The following DOCK11 variants were observed in gnomAD, a reference collection of about 807,000 sequenced individuals.
The protein encoded by DOCK11 is dedicator of cytokinesis 11.
DOCK11 carries 70 observed loss-of-function variants against 169.1 expected under a neutral mutation model. That is an observed-to-expected ratio of 0.41 (90% confidence interval 0.34 to 0.51). DOCK11 has a LOEUF of 0.51. DOCK11 is among the 20% of genes least tolerant of loss of function. The probability of loss-of-function intolerance (pLI) is 0.10; values close to 1 mark genes in which losing one functional copy is unlikely to be tolerated. For missense variants in DOCK11, 1,166 were observed against 1,538.8 expected, an observed-to-expected ratio of 0.76 and a Z score of 4.05; for synonymous variants, 529 against 541.3, an observed-to-expected ratio of 0.98 and a Z score of 0.32.
Position 118,652,028 on chromosome X carries a change from A to C in DOCK11, c.4646A>C (p.Glu1549Ala). ...CTAAGCGGAGGATCAAGATTTCAGGAGTCTTTATTCATTATCAATAATTTT... is the reference window on the plus strand; with the variant it reads ...CTAAGCGGAGGATCAAGATTTCAGGCGTCTTTATTCATTATCAATAATTTT... Reference protein sequence around the residue: ...VALSGGSRFQESLFIINNFAN... With the variant: ...VALSGGSRFQASLFIINNFAN... The change falls in exon 42 of 53, where the codon GAG becomes GCG. Residue 1549 changes from glutamate to alanine, a missense_variant. By Grantham distance (107) the Glu-to-Ala change is moderately radical. Coordinates refer to ENST00000276202, the MANE Select transcript of DOCK11 (RefSeq NM_144658.4). 1.7e-6 allele frequency: 2 copies of C among 1,206,458 alleles called. No homozygotes were observed. Among genetic ancestry groups the C allele is most frequent in the South Asian group, 1.8e-5 (1 of 56,054 alleles).
At chrX:118,533,137 G>T (rs1416861802) in intron 1 of DOCK11, among the ~76,000 whole-genome samples, 1 of 110,575 alleles carries the variant, frequency 9.0e-6, no homozygotes, top group African/African-American at 3.3e-5. Flanking sequence ...GATTACAGGC[G>T]CCCATCACCA....
At position 118,584,877 on chromosome X, in the gene DOCK11, G is replaced by T; in HGVS notation, c.1718+20G>T. The T allele has an allele frequency of 8.5e-7, 1 of 1,181,203 alleles. No individual in the cohort carries two copies. On this transcript the variant is annotated intron_variant, in intron 15 of 52. Transcript: ENST00000276202. ...TAAGAAGTAAGTGTTTGGTGTTTCT[G>T]CAATAAGTAAATATAATAGATGAAT...
rs922922330 is a variant in DOCK11, at chrX:118,588,308, A to G, written c.1967A>G (p.Lys656Arg). ...YPLQLKYDSQKTFAKARNIAV... is the reference protein window; with the variant it reads ...YPLQLKYDSQRTFAKARNIAV... ...CTGCAATTAAAATACGATAGCCAGA[A>G]AACATTTGCCAAGGTAACCATGTAA... The change falls in exon 17 of 53, where the codon AAA becomes AGA. Residue 656 changes from lysine to arginine, a missense_variant. Physicochemically the swap from Lys to Arg is conservative, Grantham distance 26. Transcript: ENST00000276202. The G allele has an allele frequency of 3.2e-5, 38 of 1,174,053 alleles. No individual in the cohort carries two copies. The highest frequency in any genetic ancestry group is 4.2e-5 in the Non-Finnish European group (37 of 879,074).
intron 32 of DOCK11, 81 bp downstream of exon 32, chrX:118,624,736 C>A: frequency 1.9e-5 from 9 of 477,551 alleles, no homozygotes; most frequent in Non-Finnish European, 2.8e-5. Flanking sequence ...GCTATATGAT[C>A]TCAACCTTAA....
At chrX:118,572,642 A>G (rs986557823) in intron 11 of DOCK11, among the ~76,000 whole-genome samples, 179 bp downstream of exon 11, 10 of 112,539 alleles carry the variant, frequency 8.9e-5, no homozygotes, top group Middle Eastern at 4.6e-3. Context: ...TCTTATTACA[A>G]TAAAAAAATG....
At chrX:118,502,244 G>T (rs1459351698) in intron 1 of DOCK11, among the ~76,000 whole-genome samples, 2 of 111,337 alleles carry the variant, frequency 1.8e-5, no homozygotes, top group African/African-American at 3.3e-5. Context: ...CCTGTTAGAG[G>T]GCTATGTTAG....
chrX:118,662,766 G>T lies in DOCK11; in HGVS notation c.5050G>T (p.Gly1684Trp). 8.4e-7 allele frequency: 1 copy of T among 1,187,851 alleles called. No homozygotes were observed. Among genetic ancestry groups the T allele is most frequent in the Non-Finnish European group, 1.1e-6 (1 of 874,708 alleles). The change falls in exon 45 of 53, where the codon GGG becomes TGG. Residue 1684 changes from glycine (G) to tryptophan (W), a missense_variant. Coordinates refer to ENST00000276202, the MANE Select transcript of DOCK11 (RefSeq NM_144658.4). ...AGAAGGAGCAATGAAAGAAGATGCT[G>T]GGATGATGGATGTCCATTATAGTGA... ...DEEGAMKEDA[G>W]MMDVHYSEEV...
chrX:118,672,395 A>G (rs748334570), intron 46 of DOCK11, among the ~76,000 whole-genome samples: 149 of 112,763 alleles, frequency 1.3e-3, no homozygotes, highest in African/African-American at 4.6e-3. Context: ...CATTTTAAAA[A>G]AGCAAGGCAA....
intron 20 of DOCK11, among the ~76,000 whole-genome samples, chrX:118,596,335 C>T (rs192624812): frequency 1.1e-3 from 127 of 112,022 alleles, no homozygotes; most frequent in African/African-American, 3.9e-3. Context: ...CTGAGAAAGC[C>T]ATTTAGTCTA....
chrX:118,569,015 G>A (rs2013177822), intron 10 of DOCK11, among the ~76,000 whole-genome samples: 1 of 109,229 alleles, frequency 9.2e-6, no homozygotes, highest in Admixed American at 9.8e-5. Flanking sequence ...AAATAATTTG[G>A]GGAAGTCTGA....
At chrX:118,603,518 G>A (rs1347733308) in intron 23 of DOCK11, among the ~76,000 whole-genome samples, 1 of 111,741 alleles carries the variant, frequency 8.9e-6, no homozygotes, top group East Asian at 2.8e-4. Flanking sequence ...TCTCATCTCT[G>A]AGGCCTTACC....
chrX:118,678,839 C>T (rs190832149), intron 48 of DOCK11, among the ~76,000 whole-genome samples: 53 of 110,640 alleles, frequency 4.8e-4, no homozygotes, highest in African/African-American at 1.6e-3. Context: ...GGCACGATCA[C>T]AGCTCACGGC....
At chrX:118,648,052 A>AATATAAATTGTAAT (rs2015817864) in intron 40 of DOCK11, among the ~76,000 whole-genome samples, 2 of 54,227 alleles carry the variant, frequency 3.7e-5, no homozygotes, top group Non-Finnish European at 2.9e-5. Flanking sequence ...TATAATATAT[A>AATATAAATTGTAAT]ATATATAATA....
rs186050569 is a variant in DOCK11, at chrX:118,556,071, A to G, written c.559-5312A>G. On this transcript the variant is annotated intron_variant, in intron 6 of 52. Coordinates refer to ENST00000276202, the MANE Select transcript of DOCK11 (RefSeq NM_144658.4). ...TTCTTTTTTTTTTTTTTGACAGAGG[A>G]TCTCGCTCTGTCTTCCAGGCTGGAG... 6.9e-5 allele frequency among the ~76,000 whole-genome samples: 7 copies of G among 101,431 alleles called. No individual in the cohort carries two copies. In the East Asian group the frequency reaches 2.2e-3, roughly 32 times the overall value. 88.1% of individuals were successfully genotyped at this position (101,431 alleles called of 115,157 possible). A position where few individuals can be genotyped will look rare whatever the true frequency, so the allele number is the denominator to read the frequency against.
At chrX:118,597,974 ATATGT>A in intron 21 of DOCK11, 51 bp from the exon 22 acceptor site, 1 of 925,625 alleles carries the variant, frequency 1.1e-6, no homozygotes, top group South Asian at 2.6e-5. Context: ...TAAAGGTATT[ATATGT>A]TATTCATCTA....
intron 10 of DOCK11, among the ~76,000 whole-genome samples, chrX:118,569,202 C>G (rs1383518932): frequency 3.9e-5 from 4 of 103,534 alleles, no homozygotes; most frequent in African/African-American, 7.0e-5. Flanking sequence ...AAGCAGTTCT[C>G]CTGCCTCAGC....
intron 40 of DOCK11, among the ~76,000 whole-genome samples, chrX:118,645,613 G>T (rs769622819): frequency 9.1e-6 from 1 of 109,630 alleles, no homozygotes; most frequent in Non-Finnish European, 1.9e-5. Context: ...AGTGAGCCAA[G>T]ATCGCGCCAC....
intron 1 of DOCK11, among the ~76,000 whole-genome samples, chrX:118,501,753 A>G (rs921734202): frequency 1.8e-5 from 2 of 111,755 alleles, no homozygotes; most frequent in African/African-American, 6.5e-5. Context: ...TTCCTCTTAA[A>G]CATACTGTTA....
intron 1 of DOCK11, among the ~76,000 whole-genome samples, chrX:118,510,163 C>T (rs1050973626): frequency 1.8e-5 from 2 of 112,003 alleles, no homozygotes; most frequent in Non-Finnish European, 3.8e-5. Flanking sequence ...AACCATTATT[C>T]TGCCTATCAC....
Sources: allele counts gnomAD v4.1 joint callset (sites outside exome capture counted in the v4.1 genomes callset), GRCh38; gene constraint gnomAD v4.1.1; transcripts MANE v1.5; gene names NCBI Gene and HGNC (gene_info 2026-07-23, HGNC 2026-07-21).